The following PEX5 variants were observed in gnomAD, a reference collection of about 807,000 sequenced individuals.
PEX5 encodes the protein peroxisomal biogenesis factor 5.
A neutral mutation model predicts 82.9 loss-of-function variants in PEX5; 52 were observed. The ratio of observed to expected loss-of-function variants is 0.63; its 90% CI spans 0.50 to 0.79. PEX5 has a LOEUF of 0.79. Ranked by LOEUF, PEX5 falls within the 30% of genes least tolerant of loss-of-function variation. The probability of loss-of-function intolerance (pLI) is 0.00; values close to 1 mark genes in which losing one functional copy is unlikely to be tolerated. For synonymous variants in PEX5, 300 were observed against 318.8 expected (o/e 0.94, Z 0.63); for missense variants, 719 against 815.2 (o/e 0.88, Z 1.44).
chr12:7,208,654 G>T lies in PEX5; in HGVS notation c.1379G>T (p.Gly460Val). Residue 460 changes from glycine to valine, a missense_variant, in exon 13 of 16, where the codon GGA (glycine) becomes GTA (valine). Physicochemically the swap from Gly to Val is moderately radical, Grantham distance 109. Transcript: ENST00000675855. ...AGLGPSKRIL[G>V]SLLSDSLFLE... Reference sequence around the variant, plus strand: ...CTGGGCCCCAGCAAGCGTATCCTGGGATCTCTCTTGTCTGAGTGAGTATGA... The same window carrying T: ...CTGGGCCCCAGCAAGCGTATCCTGGTATCTCTCTTGTCTGAGTGAGTATGA... The T allele has an allele frequency of 1.2e-6, 2 of 1,613,546 alleles. No homozygotes were observed. Among genetic ancestry groups the T allele is most frequent in the Non-Finnish European group, 1.7e-6 (2 of 1,179,600 alleles).
chr12:7,198,539 G>GAAAT (rs1943160340), intron 5 of PEX5, among the ~76,000 whole-genome samples: 1 of 152,144 alleles, frequency 6.6e-6, no homozygotes, highest in South Asian at 2.1e-4. Context: ...AAATTACAAT[G>GAAAT]AAATAAGGCT....
chr12:7,191,340 C>T lies in PEX5; in HGVS notation c.298C>T (p.Arg100Cys). ...EMQQIEQSNF[R>C]QAPQRAPGVA... ...GCAGCAGATTGAGCAGTCAAACTTC[C>T]GCCAGGCTCCCCAGAGAGGTGAGTC... is the stretch of plus-strand genomic sequence containing the variant. Residue 100 changes from arginine to cysteine, a missense_variant, in exon 4 of 16, where the codon CGC becomes TGC. Physicochemically the swap from Arg to Cys is radical, Grantham distance 180. Coordinates refer to ENST00000675855, the MANE Select transcript of PEX5 (RefSeq NM_001351132.2). 6 of 1,614,132 alleles carry T rather than the reference C, an allele frequency of 3.7e-6. No individual in the cohort carries two copies. The highest frequency in any genetic ancestry group is 1.1e-5 in the South Asian group (1 of 91,076).
intron 6 of PEX5, among the ~76,000 whole-genome samples, chr12:7,201,450 C>T (rs1404226024): frequency 6.6e-6 from 1 of 152,018 alleles, no homozygotes; most frequent in Non-Finnish European, 1.5e-5. Context: ...TCCTATATGA[C>T]GTTCATAACT....
chr12:7,189,685 C>T, upstream of PEX5: 1 of 365,894 alleles, frequency 2.7e-6, no homozygotes. Flanking sequence ...CTCCCCGCCC[C>T]CTCTTCTCCC....
Position 7,210,581 on chromosome 12 carries a change from T to C in PEX5, c.*358T>C, listed in dbSNP as rs1945445787. 1 of 387,658 alleles carries C rather than the reference T, an allele frequency of 2.6e-6. No individual in the cohort carries two copies. The highest frequency in any genetic ancestry group is 4.9e-6 in the Non-Finnish European group (1 of 203,530). 24.0% of individuals were successfully genotyped at this position (387,658 alleles called of 1,614,324 possible). ...GATAGGGTCTACCACATCTGTAATG[T>C]CTGTCCTTTCCCCCACTTTTACTGG... On this transcript the variant is annotated 3_prime_UTR_variant, in exon 16 of 16. Coordinates refer to ENST00000675855, the MANE Select transcript of PEX5 (RefSeq NM_001351132.2).
Position 7,210,078 on chromosome 12 carries a change from C to T in PEX5, c.1775C>T (p.Pro592Leu), listed in dbSNP as rs1945360501. Reference protein sequence around the residue: ...ALNMQRKSRGPRGEGGAMSEN... With the variant: ...ALNMQRKSRGLRGEGGAMSEN... Reference sequence around the variant, plus strand: ...AACATGCAGAGGAAAAGCCGGGGCCCCCGGGGTGAAGGAGGTGCCATGTCG... The same window carrying T: ...AACATGCAGAGGAAAAGCCGGGGCCTCCGGGGTGAAGGAGGTGCCATGTCG... Residue 592 changes from proline (P) to leucine (L), a missense_variant, in exon 16 of 16, where the codon CCC (proline) becomes CTC (leucine). By Grantham distance (98) the Pro-to-Leu change is moderately conservative. Coordinates refer to ENST00000675855, the MANE Select transcript of PEX5 (RefSeq NM_001351132.2). 6.2e-7 allele frequency: 1 copy of T among 1,614,206 alleles called. No homozygotes were observed. Among genetic ancestry groups the T allele is most frequent in the Non-Finnish European group, 8.5e-7 (1 of 1,180,032 alleles).
intron 10 of PEX5, among the ~76,000 whole-genome samples, chr12:7,206,266 A>T (rs778034329): frequency 6.6e-6 from 1 of 152,264 alleles, no homozygotes; most frequent in Non-Finnish European, 1.5e-5. Context: ...TCAAAAGAGT[A>T]ATACTTTGTG....
intron 10 of PEX5, among the ~76,000 whole-genome samples, chr12:7,205,793 G>A (rs1435489728): frequency 6.6e-6 from 1 of 152,240 alleles, no homozygotes; most frequent in African/African-American, 2.4e-5. Context: ...GAAACTTAGA[G>A]AATCCTGTGG....
At chr12:7,201,870 C>G in intron 7 of PEX5, 29 bp downstream of exon 7, 2 of 1,523,016 alleles carry the variant, frequency 1.3e-6, no homozygotes, top group Non-Finnish European at 1.8e-6. Context: ...CTGCTTTGCC[C>G]AGCAGAGCTG....
intron 1 of PEX5, 196 bp downstream of exon 1, chr12:7,189,946 C>A: frequency 6.7e-7 from 1 of 1,489,286 alleles, no homozygotes; most frequent in Non-Finnish European, 8.8e-7. Flanking sequence ...GCTCCTCTGC[C>A]GTGCTCACCG....
chr12:7,200,373 G>A (rs1943641318), intron 6 of PEX5, among the ~76,000 whole-genome samples: 1 of 151,644 alleles, frequency 6.6e-6, no homozygotes, highest in African/African-American at 2.4e-5. Flanking sequence ...AGATGGGATG[G>A]CGGCCGGGCA....
intron 12 of PEX5, 143 bp from the exon 13 acceptor site, chr12:7,208,314 T>C: frequency 1.3e-6 from 1 of 755,406 alleles, no homozygotes; most frequent in Non-Finnish European, 2.3e-6. Context: ...GATCTGTAAC[T>C]TTATTATTAA....
chr12:7,209,015 C>T lies in PEX5; in HGVS notation c.1405C>T (p.Leu469Phe). ...LGSLLSDSLFLEVKELFLAAV... is the reference protein window; with the variant it reads ...LGSLLSDSLFFEVKELFLAAV... ...TTCCTTTTCATCCAGCTCCCTGTTT[C>T]TTGAAGTGAAAGAGCTCTTCCTGGC... Residue 469 changes from leucine (L) to phenylalanine (F), a missense_variant, in exon 14 of 16, where the codon CTT becomes TTT. By Grantham distance (22) the Leu-to-Phe change is conservative (BLOSUM62 0). Coordinates refer to ENST00000675855, the MANE Select transcript of PEX5 (RefSeq NM_001351132.2). 1 of 1,614,050 alleles carries T rather than the reference C, an allele frequency of 6.2e-7. No individual in the cohort carries two copies. The highest frequency in any genetic ancestry group is 1.1e-5 in the South Asian group (1 of 91,080).
Position 7,197,459 on chromosome 12 carries a change from A to ATTATGTTATATATAATG in PEX5, c.449-1551_449-1550insTATGTTATATATAATGT, listed in dbSNP as rs1565689185. 1.4e-4 allele frequency among the ~76,000 whole-genome samples: 7 copies of ATTATGTTATATATAATG among 51,572 alleles called. 1 individual carries two copies. The highest frequency in any genetic ancestry group is 3.8e-4 in the Non-Finnish European group (6 of 15,920). 33.8% of individuals were successfully genotyped at this position (51,572 alleles called of 152,430 possible). On this transcript the variant is annotated intron_variant, in intron 5 of 15. Transcript: ENST00000675855. ...ATGTAATTATGTTATATATAATGTA[A>ATTATGTTATATATAATG]TAATTATATATGTTATATATAATAT...
At position 7,190,404 on chromosome 12, in the gene PEX5, C is replaced by T. The variant is rs750980356; in HGVS notation, c.27C>T (p.Ala9=). The change falls in exon 2 of 16, where the codon GCC becomes GCT. Residue 9 remains alanine (A), a synonymous_variant. Coordinates refer to ENST00000675855, the MANE Select transcript of PEX5 (RefSeq NM_001351132.2). MAMRELVE[A]ECGGANPLMK... is the part of the protein sequence containing the mutation. ...TGGCAATGCGGGAGCTGGTGGAGGC[C>T]GAATGCGGGGGTGCCAACCCGCTCA... 9 of 1,614,086 alleles carry T rather than the reference C, an allele frequency of 5.6e-6. No homozygotes were observed. The highest frequency in any genetic ancestry group is 2.2e-5 in the East Asian group (1 of 44,892).
Position 7,208,893 on chromosome 12 carries a change from TGATA to T in PEX5, c.1395-108_1395-105del, listed in dbSNP as rs1024124801. ...GGACTTTGAGAGTAGAAGAGATGACTGATAGATTGATGAATGTTGGGGATATGGT... is the reference window on the plus strand; with the variant it reads ...GGACTTTGAGAGTAGAAGAGATGACTGATTGATGAATGTTGGGGATATGGT... On this transcript the variant is annotated intron_variant, in intron 13 of 15. Coordinates refer to ENST00000675855, the MANE Select transcript of PEX5 (RefSeq NM_001351132.2). The T allele has an allele frequency of 8.6e-6, 9 of 1,050,660 alleles. No individual in the cohort carries two copies. The African/African-American group carries it at 9.4e-5, about 11-fold the overall frequency. 65.1% of individuals were successfully genotyped at this position (1,050,660 alleles called of 1,614,324 possible). A position where few individuals can be genotyped will look rare whatever the true frequency, so the allele number is the denominator to read the frequency against.
intron 1 of PEX5, chr12:7,190,029 G>C: frequency 6.7e-7 from 1 of 1,503,532 alleles, no homozygotes; most frequent in Non-Finnish European, 8.8e-7. Flanking sequence ...CAGTGTCGCC[G>C]TCCAGCCTGG....
intron 10 of PEX5, among the ~76,000 whole-genome samples, chr12:7,207,369 A>T (rs1446391896): frequency 1.3e-5 from 2 of 152,206 alleles, no homozygotes; most frequent in East Asian, 3.8e-4. Flanking sequence ...AGGTGTGGGA[A>T]TACAAGCCTG....
chr12:7,208,150 C>A, intron 12 of PEX5, 70 bp downstream of exon 12: 1 of 1,133,054 alleles, frequency 8.8e-7, no homozygotes, highest in Non-Finnish European at 1.3e-6. Context: ...ATGACAGAAG[C>A]CCAGACCTGG....
Sources: allele counts gnomAD v4.1 joint callset (sites outside exome capture counted in the v4.1 genomes callset), GRCh38; gene constraint gnomAD v4.1.1; transcripts MANE v1.5; gene names NCBI Gene and HGNC (gene_info 2026-07-23, HGNC 2026-07-21).